DAB1: variants seen among roughly 807,000 people sequenced by gnomAD.
DAB1 encodes DAB adaptor protein 1.
In DAB1, 15 loss-of-function variants were observed where a neutral mutation model predicts 64.6. The observed-to-expected ratio is 0.23, with a 90% confidence interval of 0.16 to 0.36. DAB1 has a LOEUF of 0.36. Ranked by LOEUF, DAB1 falls within the 10% of genes least tolerant of loss-of-function variation. The pLI, the probability that DAB1 is intolerant of heterozygous loss-of-function variation, is 1.00. For missense variants in DAB1, 596 were observed against 706.7 expected, an observed-to-expected ratio of 0.84 and a Z score of 1.78; for synonymous variants, 235 against 251.9, an observed-to-expected ratio of 0.93 and a Z score of 0.64.
chr1:58,348,657 A>G (rs984208353), intron 3 of DAB1, among the ~76,000 whole-genome samples: 11 of 152,174 alleles, frequency 7.2e-5, no homozygotes, highest in Admixed American at 5.2e-4. Flanking sequence ...AAGTTTTAGA[A>G]CTCAATAATT....
chr1:58,243,421 C>A (rs1271390330), intron 4 of DAB1, among the ~76,000 whole-genome samples: 1 of 152,066 alleles, frequency 6.6e-6, no homozygotes, highest in Non-Finnish European at 1.5e-5. Flanking sequence ...CCGCCTGCCC[C>A]TTTGAGATGG....
chr1:57,185,216 C>CCCCTA (rs1189036550), intron 2 of DAB1, among the ~76,000 whole-genome samples: 11 of 152,256 alleles, frequency 7.2e-5, no homozygotes, highest in African/African-American at 2.6e-4. Flanking sequence ...ACCACTCCTA[C>CCCCTA]CCCTACCATG....
chr1:58,237,533 C>CT lies in DAB1; in HGVS notation n.310-86946dup, dbSNP rs1247748141. ...CTTGGGGGTCATTTTTTTCTTTTTT[C>CT]TTTTTTTTTAAGTGAAAAAAAATTC... On this transcript the variant is annotated intron_variant and non_coding_transcript_variant, in intron 4 of 20. Transcript: ENST00000485760. Among the ~76,000 whole-genome samples the CT allele has an allele frequency of 1.8e-4, 27 of 149,772 alleles. 1 individual carries two copies. The highest frequency in any genetic ancestry group is 8.5e-4 in the South Asian group (4 of 4,704).
chr1:57,912,714 C>T (rs1285594017), intron 5 of DAB1, among the ~76,000 whole-genome samples: 1 of 152,178 alleles, frequency 6.6e-6, no homozygotes, highest in East Asian at 1.9e-4. Context: ...GGCCCAAAAT[C>T]TCCTTAAGCT....
At chr1:57,312,484 T>C (rs1674803601) in intron 1 of DAB1, among the ~76,000 whole-genome samples, 1 of 152,216 alleles carries the variant, frequency 6.6e-6, no homozygotes, top group Admixed American at 6.5e-5. Context: ...CATAATTTTA[T>C]CTAAGCAGAT....
intron 9 of DAB1, among the ~76,000 whole-genome samples, chr1:57,042,225 G>A (rs1256034229): frequency 1.3e-5 from 2 of 152,280 alleles, no homozygotes; most frequent in South Asian, 2.1e-4. Context: ...AAGTCCAGAG[G>A]ATATCTGAAA....
At chr1:57,527,081 C>T (rs1644602222) in intron 7 of DAB1, among the ~76,000 whole-genome samples, 1 of 152,150 alleles carries the variant, frequency 6.6e-6, no homozygotes, top group African/African-American at 2.4e-5. Flanking sequence ...CAATCCAGTG[C>T]TCTTTCCATG....
chr1:57,786,522 A>G (rs747102689), intron 6 of DAB1, among the ~76,000 whole-genome samples: 42 of 152,228 alleles, frequency 2.8e-4, no homozygotes, highest in Non-Finnish European at 4.0e-4. Context: ...CCAAGATCAT[A>G]TAGCTAGTAA....
chr1:57,925,128 A>G (rs945776028), intron 5 of DAB1, among the ~76,000 whole-genome samples: 1 of 152,194 alleles, frequency 6.6e-6, no homozygotes, highest in African/African-American at 2.4e-5. Context: ...TCTAATAACT[A>G]GCAGTCATTC....
intron 7 of DAB1, among the ~76,000 whole-genome samples, chr1:57,456,240 T>G (rs1203977296): frequency 6.6e-6 from 1 of 152,136 alleles, no homozygotes; most frequent in African/African-American, 2.4e-5. Context: ...AACATTCAGT[T>G]TTTTCAACAG....
intron 3 of DAB1, among the ~76,000 whole-genome samples, chr1:58,459,116 T>A (rs1197420514): frequency 6.6e-6 from 1 of 152,164 alleles, no homozygotes; most frequent in Non-Finnish European, 1.5e-5. Flanking sequence ...AGCCCAGAAA[T>A]CATTTCTTTG....
chr1:57,333,565 C>A (rs930390988), intron 1 of DAB1, among the ~76,000 whole-genome samples: 3 of 152,188 alleles, frequency 2.0e-5, no homozygotes, highest in Non-Finnish European at 2.9e-5. Context: ...TGTGTGTAAC[C>A]AACCAATTGA....
intron 7 of DAB1, among the ~76,000 whole-genome samples, chr1:57,434,718 T>C (rs1175437012): frequency 6.6e-6 from 1 of 152,240 alleles, no homozygotes; most frequent in African/African-American, 2.4e-5. Context: ...GTATAGCTTA[T>C]TGATTCTAGG....
At chr1:58,117,846 T>A (rs946869360) in intron 5 of DAB1, among the ~76,000 whole-genome samples, 2 of 151,322 alleles carry the variant, frequency 1.3e-5, no homozygotes, top group Non-Finnish European at 2.9e-5. Flanking sequence ...TGCTTTGTTT[T>A]TTTTTTTATA....
chr1:58,490,793 T>C (rs1286892984), intron 3 of DAB1, among the ~76,000 whole-genome samples: 1 of 114,884 alleles, frequency 8.7e-6, no homozygotes, highest in African/African-American at 3.8e-5. Flanking sequence ...ATAGTCAACA[T>C]TCTTTTTTTT....
At chr1:57,601,232 T>C (rs1231953445) in intron 7 of DAB1, among the ~76,000 whole-genome samples, 2 of 152,160 alleles carry the variant, frequency 1.3e-5, no homozygotes, top group Admixed American at 6.5e-5. Flanking sequence ...ATCTCCATAA[T>C]TGAGCTAGCA....
At chr1:57,374,876 GCCCAC>G (rs1680776592) in intron 1 of DAB1, among the ~76,000 whole-genome samples, 1 of 152,134 alleles carries the variant, frequency 6.6e-6, no homozygotes, top group Non-Finnish European at 1.5e-5. Flanking sequence ...TGTAGCTAAA[GCCCAC>G]CCTTTTGAGC....
At chr1:58,538,921 A>C (rs1235053145) in intron 1 of DAB1, 1 of 872,918 alleles carries the variant, frequency 1.1e-6, no homozygotes, top group East Asian at 2.4e-5. Flanking sequence ...AGCAGGGCTT[A>C]GAGGATGCAA....
At chr1:57,691,313 T>C (rs542525294) in intron 6 of DAB1, among the ~76,000 whole-genome samples, 56 of 152,182 alleles carry the variant, frequency 3.7e-4, no homozygotes, top group Middle Eastern at 3.4e-3. Context: ...CACCAATCAG[T>C]ACTCTGTGTC....
Sources: allele counts gnomAD v4.1 joint callset (sites outside exome capture counted in the v4.1 genomes callset), GRCh38; gene constraint gnomAD v4.1.1; transcripts MANE v1.5; gene names NCBI Gene and HGNC (gene_info 2026-07-23, HGNC 2026-07-21).